The following SCD5 variants were observed in gnomAD, a reference collection of about 807,000 sequenced individuals.
SCD5 encodes acyl-CoA-desaturase 4.
A neutral mutation model predicts 30.4 loss-of-function variants in SCD5; 20 were observed. The observed-to-expected ratio is 0.66, with a 90% CI of 0.46 to 0.96. The LOEUF is 0.96. Among genes scored for constraint, SCD5 ranks in the 40% least tolerant of loss-of-function variants. The pLI, the probability that SCD5 is intolerant of heterozygous loss-of-function variation, is 0.00. For synonymous variants in SCD5, 173 were observed against 176.4 expected, an observed-to-expected ratio of 0.98 and a Z score of 0.16; for missense variants, 381 against 443.3, an observed-to-expected ratio of 0.86 and a Z score of 1.26.
chr4:82,632,195 C>T (rs1727309803), intron 4 of SCD5, among the ~76,000 whole-genome samples: 2 of 139,198 alleles, frequency 1.4e-5, no homozygotes, highest in Non-Finnish European at 3.1e-5. Flanking sequence ...CTCCCCCCAC[C>T]CCACGACAGG....
intron 3 of SCD5, among the ~76,000 whole-genome samples, chr4:82,667,314 C>T (rs1032194927): frequency 2.0e-5 from 3 of 152,088 alleles, no homozygotes; most frequent in African/African-American, 7.2e-5. Flanking sequence ...GCAAATTCTC[C>T]TAAAGCTCTA....
intron 3 of SCD5, among the ~76,000 whole-genome samples, chr4:82,658,561 G>C (rs1727915223): frequency 1.4e-5 from 2 of 142,966 alleles, no homozygotes; most frequent in African/African-American, 2.6e-5. Context: ...CTGCCTCCCA[G>C]GTTCAAGTGA....
chr4:82,697,623 A>T (rs991293282), intron 2 of SCD5, among the ~76,000 whole-genome samples: 2 of 152,206 alleles, frequency 1.3e-5, no homozygotes, highest in Non-Finnish European at 2.9e-5. Context: ...AGGGGTGGGG[A>T]AATTTTATTT....
intron 3 of SCD5, among the ~76,000 whole-genome samples, chr4:82,659,169 T>C (rs951747393): frequency 1.3e-5 from 2 of 152,214 alleles, no homozygotes; most frequent in Admixed American, 6.5e-5. Flanking sequence ...TTCTGTGGGA[T>C]CAGTGGTGAT....
intron 1 of SCD5, among the ~76,000 whole-genome samples, chr4:82,770,152 TTAGG>T (rs1272899056): frequency 6.6e-6 from 1 of 151,950 alleles, no homozygotes; most frequent in Non-Finnish European, 1.5e-5. Flanking sequence ...GTCATTTACA[TTAGG>T]TATATCTCCT....
At chr4:82,685,931 G>T (rs904939628) in intron 2 of SCD5, among the ~76,000 whole-genome samples, 2 of 151,750 alleles carry the variant, frequency 1.3e-5, no homozygotes, top group African/African-American at 4.8e-5. Context: ...GGGGCTTGCC[G>T]CATTTCAAGT....
At chr4:82,751,357 G>T (rs139803377) in intron 1 of SCD5, among the ~76,000 whole-genome samples, 1 of 152,064 alleles carries the variant, frequency 6.6e-6, no homozygotes, top group South Asian at 2.1e-4. Context: ...CACCATACCC[G>T]GCTAAGAGAA....
intron 2 of SCD5, among the ~76,000 whole-genome samples, chr4:82,683,370 A>G (rs1728621301): frequency 6.6e-6 from 1 of 152,196 alleles, no homozygotes; most frequent in African/African-American, 2.4e-5. Flanking sequence ...CTTTTATTGT[A>G]GTGCCCATGT....
intron 3 of SCD5, among the ~76,000 whole-genome samples, chr4:82,674,231 AT>A (rs1298728139): frequency 1.3e-5 from 2 of 152,208 alleles, no homozygotes; most frequent in Non-Finnish European, 2.9e-5. Context: ...GGAATAAAAT[AT>A]TTGCAAAAGA....
At chr4:82,726,367 T>C (rs552660749) in intron 1 of SCD5, among the ~76,000 whole-genome samples, 129 of 146,998 alleles carry the variant, frequency 8.8e-4, no homozygotes, top group Non-Finnish European at 1.6e-3. Flanking sequence ...TGGTGAGCCA[T>C]GATTGTGCCA....
intron 4 of SCD5, among the ~76,000 whole-genome samples, chr4:82,633,748 A>C (rs1210718631): frequency 6.6e-6 from 1 of 152,198 alleles, no homozygotes; most frequent in Non-Finnish European, 1.5e-5. Flanking sequence ...TTTGATTTTC[A>C]TAAACAGCTT....
chr4:82,670,158 T>TG (rs1728278506), intron 3 of SCD5, among the ~76,000 whole-genome samples: 2 of 152,048 alleles, frequency 1.3e-5, no homozygotes, highest in African/African-American at 2.4e-5. Flanking sequence ...AAACACAGCT[T>TG]GAAGAGACAC....
intron 1 of SCD5, among the ~76,000 whole-genome samples, chr4:82,754,951 C>T (rs964996481): frequency 1.3e-5 from 2 of 152,138 alleles, no homozygotes; most frequent in Non-Finnish European, 2.9e-5. Context: ...AGACACCAAG[C>T]CCACCATGGA....
At chr4:82,685,908 T>C (rs1175711280) in intron 2 of SCD5, among the ~76,000 whole-genome samples, 1 of 152,152 alleles carries the variant, frequency 6.6e-6, no homozygotes, top group Non-Finnish European at 1.5e-5. Flanking sequence ...TTTTCACTTG[T>C]AGCACACCTC....
intron 3 of SCD5, among the ~76,000 whole-genome samples, chr4:82,662,770 G>A (rs1728043223): frequency 6.8e-6 from 1 of 147,030 alleles, no homozygotes; most frequent in Non-Finnish European, 1.5e-5. Flanking sequence ...TGAGGCAGGA[G>A]AATCTCTTGA....
intron 1 of SCD5, among the ~76,000 whole-genome samples, chr4:82,746,246 T>C (rs1318255921): frequency 6.6e-6 from 1 of 152,168 alleles, no homozygotes; most frequent in African/African-American, 2.4e-5. Flanking sequence ...CAATACCAGA[T>C]TGCAGGAAAA....
At chr4:82,717,036 C>T (rs575014139) in intron 1 of SCD5, among the ~76,000 whole-genome samples, 1 of 151,722 alleles carries the variant, frequency 6.6e-6, no homozygotes, top group South Asian at 2.1e-4. Context: ...AAATACTATG[C>T]CATTTCATAT....
At chr4:82,697,516 T>G (rs1719721183) in intron 2 of SCD5, among the ~76,000 whole-genome samples, 1 of 152,172 alleles carries the variant, frequency 6.6e-6, no homozygotes, top group Non-Finnish European at 1.5e-5. Context: ...ACTGTCACAT[T>G]TTCATCCCCT....
In SCD5 at chr4:82,738,255, G is replaced by A. The variant is rs186975398; in HGVS notation, c.233-32842C>T. The stretch of plus-strand genomic sequence containing the variant: ...CTGGCCAACATGGTGAAACCCTGTC[G>A]CTACTAAAAATACAAAATTAGCTGG... On this transcript the variant is annotated intron_variant, in intron 1 of 4. Transcript: ENST00000319540. Among the ~76,000 whole-genome samples the A allele has an allele frequency of 1.3e-3, 199 of 152,146 alleles. 1 individual carries two copies. The highest frequency in any genetic ancestry group is 4.6e-3 in the African/African-American group (193 of 41,520).
Sources: allele counts gnomAD v4.1 joint callset (sites outside exome capture counted in the v4.1 genomes callset), GRCh38; gene constraint gnomAD v4.1.1; transcripts MANE v1.5; gene names NCBI Gene and HGNC (gene_info 2026-07-23, HGNC 2026-07-21).